Variants in ADAM20 observed in about 807,000 individuals in gnomAD.
ADAM20 encodes ADAM metallopeptidase domain 20, also known as disintegrin and metalloproteinase domain-containing protein 20.
For missense variants in ADAM20, 871 were observed against 883.2 expected (o/e 0.99, Z 0.18); for synonymous variants, 305 against 310.2 (o/e 0.98, Z 0.18).
chr14:70,530,348 C>T (rs1883685153), intron 1 of ADAM20, among the ~76,000 whole-genome samples: 1 of 152,050 alleles, frequency 6.6e-6, no homozygotes, highest in African/African-American at 2.4e-5. Context: ...GATCACAATG[C>T]CTTCTTCTGG....
rs1393037854 is a variant in ADAM20, at chr14:70,523,972, T to G, written c.786A>C (p.Ala262=). 1 of 1,613,904 alleles carries G rather than the reference T, an allele frequency of 6.2e-7. No homozygotes were observed. Among genetic ancestry groups the G allele is most frequent in the Non-Finnish European group, 8.5e-7 (1 of 1,179,958 alleles). Residue 262 remains alanine, a synonymous_variant, in exon 2 of 2, where the codon GCA becomes GCC. Transcript: ENST00000256389. ...VILTGIDIWT[A]SNPLPTSGDL... ...CTCCACTGGTAGGAAGTGGATTTGA[T>G]GCAGTCCATATATCAATTCCAGTCA...
At chr14:70,535,638 C>T (rs1406487642), upstream of ADAM20, among the ~76,000 whole-genome samples, 1 of 152,140 alleles carries the variant, frequency 6.6e-6, no homozygotes, top group African/African-American at 2.4e-5. Context: ...CATACTCCTA[C>T]CACCCCTTAT....
chr14:70,566,701 C>T, the ADAM20 span, among the ~76,000 whole-genome samples: 77 of 152,222 alleles, frequency 5.1e-4, no homozygotes, highest in South Asian at 0.015. Context: ...GGCGGGAGGC[C>T]GGGCGCGGTG....
chr14:70,539,132 C>T (rs1010347827), upstream of ADAM20, among the ~76,000 whole-genome samples: 4 of 150,406 alleles, frequency 2.7e-5, no homozygotes, highest in Admixed American at 2.0e-4. Flanking sequence ...AATGGACGTG[C>T]AGTCAGAGAG....
At chr14:70,575,538 T>C in the ADAM20 span, among the ~76,000 whole-genome samples, 121 of 152,326 alleles carry the variant, frequency 7.9e-4, no homozygotes, top group Admixed American at 1.8e-3. Flanking sequence ...GCAACAGATA[T>C]GTCTAATACC....
the ADAM20 span, among the ~76,000 whole-genome samples, chr14:70,558,644 G>A: frequency 5.9e-5 from 9 of 152,048 alleles, no homozygotes; most frequent in Non-Finnish European, 7.4e-5. Flanking sequence ...CAGTGTTCTT[G>A]GAAGTACAAG....
chr14:70,544,788 T>C, the ADAM20 span, among the ~76,000 whole-genome samples: 1 of 152,064 alleles, frequency 6.6e-6, no homozygotes, highest in African/African-American at 2.4e-5. Context: ...ATATCAAACA[T>C]CACACTATAT....
the ADAM20 span, among the ~76,000 whole-genome samples, chr14:70,541,708 T>C: frequency 6.6e-6 from 1 of 152,238 alleles, no homozygotes; most frequent in Non-Finnish European, 1.5e-5. Flanking sequence ...TGGTTTTCTT[T>C]GGACTATATT....
At chr14:70,536,166 C>A (rs1883827185), upstream of ADAM20, among the ~76,000 whole-genome samples, 1 of 151,850 alleles carries the variant, frequency 6.6e-6, no homozygotes, top group Admixed American at 6.6e-5. Flanking sequence ...ATCAGCAAAT[C>A]CTAAAAATAA....
chr14:70,531,667 A>G (rs1484146785), intron 1 of ADAM20, among the ~76,000 whole-genome samples: 1 of 152,178 alleles, frequency 6.6e-6, no homozygotes, highest in East Asian at 1.9e-4. Context: ...GTTGCAGGAT[A>G]CAAAATCAAC....
rs142064840 is a variant in ADAM20 at position 70,524,132 on chromosome 14, A to G, written c.626T>C (p.Val209Ala). Reference protein sequence around the residue: ...FVGWWTHQRFVELVVVVDNIR... With the variant: ...FVGWWTHQRFAELVVVVDNIR... ...ATTATCCACGACCACTACCAGCTCA[A>G]CAAACCGCTGATGGGTCCACCAGCC... Residue 209 changes from valine (V) to alanine (A), a missense_variant, in exon 2 of 2, where the codon GTT becomes GCT. Coordinates refer to ENST00000256389, the MANE Select transcript of ADAM20 (RefSeq NM_003814.5). The G allele has an allele frequency of 2.6e-5, 42 of 1,613,720 alleles. No individual in the cohort carries two copies. In the African/African-American group the frequency reaches 2.9e-4, roughly 11 times the overall value.
At chr14:70,536,740 C>T (rs1452647778), upstream of ADAM20, among the ~76,000 whole-genome samples, 1 of 151,926 alleles carries the variant, frequency 6.6e-6, no homozygotes. Flanking sequence ...TAAACCTCTC[C>T]CCAACCAGAG....
the ADAM20 span, among the ~76,000 whole-genome samples, chr14:70,565,453 C>T: frequency 6.6e-6 from 1 of 152,154 alleles, no homozygotes; most frequent in African/African-American, 2.4e-5. Context: ...AGGTCTAGAA[C>T]AAGACATTAT....
rs113521334 is a variant in ADAM20, at chr14:70,523,589, C to T, written c.1169G>A (p.Ser390Asn). ...AGGCGGTTGAATACATAATCCACTA[C>T]TGATAGTACTGTCCCAATATTGGGC... ...SYAQYWDSTI[S>N]SGLCIQPPPY... The change falls in exon 2 of 2, where the codon AGT becomes AAT. Residue 390 changes from serine (S) to asparagine (N), a missense_variant. Physicochemically the swap from Ser to Asn is conservative, Grantham distance 46 (BLOSUM62 1). Coordinates refer to ENST00000256389, the MANE Select transcript of ADAM20 (RefSeq NM_003814.5). 6.2e-7 allele frequency: 1 copy of T among 1,614,078 alleles called. No homozygotes were observed. Among genetic ancestry groups the T allele is most frequent in the Admixed American group, 1.7e-5 (1 of 59,996 alleles).
chr14:70,576,987 A>G, the ADAM20 span, among the ~76,000 whole-genome samples: 16,794 of 152,174 alleles, frequency 0.11, 1,368 homozygotes, highest in East Asian at 0.49. Context: ...AAGCAAGAAG[A>G]AGGAAGGCAA....
the ADAM20 span, among the ~76,000 whole-genome samples, chr14:70,545,396 G>A: frequency 1.3e-5 from 2 of 152,268 alleles, no homozygotes; most frequent in East Asian, 3.9e-4. Flanking sequence ...TCCCTGTCAT[G>A]GCAGAAAGCA....
At chr14:70,538,735 A>C (rs1883886825), upstream of ADAM20, among the ~76,000 whole-genome samples, 1 of 152,172 alleles carries the variant, frequency 6.6e-6, no homozygotes. Flanking sequence ...TACTTCTCAA[A>C]ATCATCTTTG....
the ADAM20 span, among the ~76,000 whole-genome samples, chr14:70,545,531 T>C: frequency 1.3e-5 from 2 of 151,902 alleles, no homozygotes; most frequent in Non-Finnish European, 2.9e-5. Context: ...GGAAAAGATA[T>C]GCAATGCCAA....
Position 70,524,300 on chromosome 14 carries a change from G to A in ADAM20, c.458C>T (p.Thr153Ile). 6.2e-7 allele frequency: 1 copy of A among 1,614,016 alleles called. No individual in the cohort carries two copies. The highest frequency in any genetic ancestry group is 1.3e-5 in the African/African-American group (1 of 75,022). ...YEIKPISVSA[T>I]FEHLVYKIDS... ...TATCTTATATACTAGGTGTTCAAATGTGGCAGAAACACTAATTGGCTTGAT... is the reference window on the plus strand; with the variant it reads ...TATCTTATATACTAGGTGTTCAAATATGGCAGAAACACTAATTGGCTTGAT... The change falls in exon 2 of 2, where the codon ACA (threonine) becomes ATA (isoleucine). Residue 153 changes from threonine (T) to isoleucine (I), a missense_variant. By Grantham distance (89) the Thr-to-Ile change is moderately conservative. Transcript: ENST00000256389.
Sources: gnomAD v4.1 joint callset for allele counts (sites outside exome capture counted in the v4.1 genomes callset) on GRCh38, gnomAD v4.1.1 for gene constraint, MANE v1.5 for transcripts, NCBI Gene and HGNC (gene_info 2026-07-23, HGNC 2026-07-21) for gene names.